EIF4B: variants seen among roughly 807,000 people sequenced by gnomAD.
EIF4B encodes eukaryotic translation initiation factor 4B.
Under a neutral mutation model 79.3 loss-of-function variants are expected in EIF4B, and 8 were observed. That is an observed-to-expected ratio of 0.10 (90% CI 0.06 to 0.18). The LOEUF is 0.18. Among genes scored for constraint, EIF4B ranks in the 10% least tolerant of loss-of-function variants. The pLI, the probability that EIF4B is intolerant of heterozygous loss-of-function variation, is 1.00. For synonymous variants in EIF4B, 238 were observed against 274.7 expected (o/e 0.87, Z 1.32); for missense variants, 515 against 792.4 (o/e 0.65, Z 4.20).
At chr12:53,018,278 G>A (rs371630670) in intron 2 of EIF4B, among the ~76,000 whole-genome samples, 1 of 152,278 alleles carries the variant, frequency 6.6e-6, no homozygotes, top group East Asian at 1.9e-4. Flanking sequence ...GTGAGCCACC[G>A]AGCCAGGCCT....
intron 10 of EIF4B, among the ~76,000 whole-genome samples, chr12:53,036,206 G>A (rs996588775): frequency 1.9e-4 from 29 of 151,750 alleles, no homozygotes; most frequent in African/African-American, 5.3e-4. Flanking sequence ...TCTGCCTCCC[G>A]GGTTCAAGTG....
chr12:53,023,984 A>G (rs1413543168), intron 6 of EIF4B, among the ~76,000 whole-genome samples: 2 of 152,236 alleles, frequency 1.3e-5, no homozygotes, highest in African/African-American at 2.4e-5. Flanking sequence ...TCTAATAAAA[A>G]TTGATTCACT....
In EIF4B at chr12:53,022,610, A is replaced by G. The variant is rs777095834; in HGVS notation, c.650A>G (p.Asp217Gly). The G allele has an allele frequency of 2.5e-6, 4 of 1,613,940 alleles. No homozygotes were observed. The highest frequency in any genetic ancestry group is 1.7e-5 in the Admixed American group (1 of 59,994). Residue 217 changes from aspartate to glycine, a missense_variant, in exon 6 of 15, where the codon GAT becomes GGT. Around this residue, in one of 6 missense-constraint regions of EIF4B, gnomAD observed 187 missense variants for 256.5 expected, o/e 0.73. Transcript: ENST00000262056. ...SFDDYPPRRG[D>G]DSFGDKYRDR... ...GATGACTACCCACCTAGAAGAGGTG[A>G]TGATAGCTTTGGAGACAGTAAGTTT... is the stretch of plus-strand genomic sequence containing the variant.
At chr12:53,034,422 C>G (rs1943502018) in intron 9 of EIF4B, among the ~76,000 whole-genome samples, 190 bp from the exon 10 acceptor site, 1 of 152,172 alleles carries the variant, frequency 6.6e-6, no homozygotes, top group African/African-American at 2.4e-5. Flanking sequence ...TTAGTTGATT[C>G]TTGCTGAAGT....
In EIF4B at chr12:53,021,836, G is replaced by A. The variant is rs764695524; in HGVS notation, c.508G>A (p.Val170Ile). Residue 170 changes from valine (V) to isoleucine (I), a missense_variant, in exon 5 of 15, where the codon GTT becomes ATT. Transcript: ENST00000262056. The part of the protein sequence containing the change: ...SLGNRRIRVD[V>I]ADQAQDKDRD... ...AGGTAACAGGAGAATTCGAGTGGACGTTGCTGATCAAGCACAGGATAAAGG... is the reference window on the plus strand; with the variant it reads ...AGGTAACAGGAGAATTCGAGTGGACATTGCTGATCAAGCACAGGATAAAGG... 5.6e-6 allele frequency: 9 copies of A among 1,614,088 alleles called. No homozygotes were observed. The highest frequency in any genetic ancestry group is 3.3e-5 in the Admixed American group (2 of 60,004).
chr12:53,020,802 A>G (rs1288116377), intron 4 of EIF4B, among the ~76,000 whole-genome samples: 3 of 152,138 alleles, frequency 2.0e-5, no homozygotes, highest in African/African-American at 7.2e-5. Flanking sequence ...AAATTAATGT[A>G]CTTAGTTAAA....
chr12:53,038,170 A>T, intron 11 of EIF4B, 186 bp from the exon 12 acceptor site: 1 of 473,958 alleles, frequency 2.1e-6, no homozygotes, highest in East Asian at 3.7e-5. Flanking sequence ...ATTAGAAAGC[A>T]TATGGCACTT....
At chr12:53,034,956 CTTTTT>C (rs72498436) in intron 10 of EIF4B, among the ~76,000 whole-genome samples, 7 of 90,156 alleles carry the variant, frequency 7.8e-5, no homozygotes, top group Non-Finnish European at 6.5e-5. Context: ...TTGTCTCTCT[CTTTTT>C]TTTTTTTTTT....
chr12:53,017,640 T>C (rs1943170129), intron 2 of EIF4B, among the ~76,000 whole-genome samples: 1 of 152,218 alleles, frequency 6.6e-6, no homozygotes. Context: ...TTGCCCAGGC[T>C]GGGGTGCAAG....
chr12:53,013,494 T>C (rs573160277), intron 1 of EIF4B: 1 of 152,328 alleles, frequency 6.6e-6, no homozygotes, highest in African/African-American at 2.4e-5. Context: ...CCCATAGATC[T>C]TTGCATATGA....
chr12:53,035,450 G>A (rs1943525030), intron 10 of EIF4B, among the ~76,000 whole-genome samples: 1 of 151,148 alleles, frequency 6.6e-6, no homozygotes, highest in Admixed American at 6.6e-5. Context: ...CTTACTGCAA[G>A]TTCTGCCTCC....
intron 1 of EIF4B, among the ~76,000 whole-genome samples, chr12:53,014,153 C>A (rs968103335): frequency 1.3e-5 from 2 of 151,606 alleles, no homozygotes; most frequent in African/African-American, 4.9e-5. Flanking sequence ...AAAAGCAGGC[C>A]GGGCGCGTTG....
rs768350241 is a variant in EIF4B at position 53,039,623 on chromosome 12, T to C, written c.1683-7T>C. 6.2e-7 allele frequency: 1 copy of C among 1,613,604 alleles called. No individual in the cohort carries two copies. The highest frequency in any genetic ancestry group is 1.3e-5 in the African/African-American group (1 of 74,894). The stretch of plus-strand genomic sequence containing the variant: ...AAAGACATGGTTTTATGCTTACGTC[T>C]CTGCAGGAAAGATGGCAAAAAGGAT... On this transcript the variant is annotated splice_polypyrimidine_tract_variant and splice_region_variant and intron_variant, in intron 13 of 14. Transcript: ENST00000262056.
At chr12:53,008,203 A>G (rs1282900204) in intron 1 of EIF4B, among the ~76,000 whole-genome samples, 1 of 152,220 alleles carries the variant, frequency 6.6e-6, no homozygotes, top group Non-Finnish European at 1.5e-5. Context: ...TGTAATTTTT[A>G]GAGGCGGAAC....
At position 53,018,925 on chromosome 12, in the gene EIF4B, G is replaced by T. The variant is rs767058421; in HGVS notation, c.279G>T (p.Ser93=). 2.5e-6 allele frequency: 4 copies of T among 1,613,706 alleles called. No individual in the cohort carries two copies. The African/African-American group carries it at 5.3e-5, about 22-fold the overall frequency. The change falls in exon 3 of 15, where the codon TCG becomes TCT. Residue 93 remains serine, a synonymous_variant. Coordinates refer to ENST00000262056, the MANE Select transcript of EIF4B (RefSeq NM_001417.7). ...TCGACCGGAGCCGTCTTCCCAAATCGCCACCCTACACTGCTTTTCTAGGAA... is the reference window on the plus strand; with the variant it reads ...TCGACCGGAGCCGTCTTCCCAAATCTCCACCCTACACTGCTTTTCTAGGAA... The part of the protein sequence containing the change: ...PNIDRSRLPK[S]PPYTAFLGNL...
chr12:53,036,749 TG>T (rs2120982757), intron 10 of EIF4B, among the ~76,000 whole-genome samples: 1 of 151,118 alleles, frequency 6.6e-6, no homozygotes, highest in Admixed American at 6.6e-5. Context: ...TTTTTTGAGA[TG>T]GAGTCTCACT....
intron 8 of EIF4B, 53 bp downstream of exon 8, chr12:53,028,241 G>A (rs1025888976): frequency 2.6e-6 from 4 of 1,523,758 alleles, no homozygotes; most frequent in Non-Finnish European, 3.5e-6. Context: ...GAAAACTACG[G>A]AAAATTTGTG....
intron 1 of EIF4B, among the ~76,000 whole-genome samples, chr12:53,008,022 G>A (rs1448602327): frequency 1.3e-5 from 2 of 152,210 alleles, no homozygotes; most frequent in Non-Finnish European, 2.9e-5. Flanking sequence ...CTGCCCGAAA[G>A]CATCTGAAGT....
chr12:53,035,900 C>T (rs967244784), intron 10 of EIF4B, among the ~76,000 whole-genome samples: 1 of 151,890 alleles, frequency 6.6e-6, no homozygotes. Context: ...TCACTGCAAC[C>T]TCTGACTCCC....
Sources: gnomAD v4.1 joint callset for allele counts (sites outside exome capture counted in the v4.1 genomes callset) on GRCh38, gnomAD v4.1.1 for gene constraint, gnomAD v4.1.1 regional missense constraint, MANE v1.5 for transcripts, NCBI Gene and HGNC (gene_info 2026-07-23, HGNC 2026-07-21) for gene names.